FBXW11: variants seen among roughly 807,000 people sequenced by gnomAD.
The protein encoded by FBXW11 is F-box/WD repeat-containing protein 11.
In FBXW11, 19 loss-of-function variants were observed where a neutral mutation model predicts 77.6. The observed-to-expected ratio is 0.24, with a 90% CI of 0.17 to 0.36. FBXW11 has a LOEUF of 0.36. Among genes scored for constraint, FBXW11 ranks in the 10% least tolerant of loss-of-function variants. The pLI is 1.00. For missense variants in FBXW11, 334 were observed against 704.2 expected (o/e 0.47, Z 5.95); for synonymous variants, 235 against 249.4 (o/e 0.94, Z 0.54).
intron 2 of FBXW11, among the ~76,000 whole-genome samples, chr5:171,928,210 ATGAC>A (rs1324520745): frequency 6.6e-6 from 1 of 152,240 alleles, no homozygotes; most frequent in African/African-American, 2.4e-5. Flanking sequence ...TATAGAAAAT[ATGAC>A]TAACTGAAAA....
chr5:171,969,825 C>T (rs1368135926), intron 1 of FBXW11, among the ~76,000 whole-genome samples: 1 of 152,102 alleles, frequency 6.6e-6, no homozygotes, highest in Non-Finnish European at 1.5e-5. Flanking sequence ...CCTCAGCCTC[C>T]CGAGTAGAGC....
chr5:171,887,197 G>A (rs1241873286), intron 7 of FBXW11, among the ~76,000 whole-genome samples: 1 of 152,048 alleles, frequency 6.6e-6, no homozygotes, highest in Non-Finnish European at 1.5e-5. Context: ...CTTCCTTGGA[G>A]GGCATTATTA....
intron 1 of FBXW11, among the ~76,000 whole-genome samples, chr5:171,970,982 C>T (rs1764495975): frequency 6.6e-6 from 1 of 152,188 alleles, no homozygotes; most frequent in Admixed American, 6.5e-5. Context: ...GTCTTTGATT[C>T]CCTTCACATT....
At chr5:171,977,837 C>T (rs1764924022) in intron 1 of FBXW11, 1 of 245,730 alleles carries the variant, frequency 4.1e-6, no homozygotes, top group African/African-American at 2.3e-5. Flanking sequence ...ATTCAATCAC[C>T]TCCCACGGGG....
At chr5:171,952,440 TATA>T (rs1278022618) in intron 2 of FBXW11, among the ~76,000 whole-genome samples, 101 of 22,206 alleles carry the variant, frequency 4.5e-3, no homozygotes, top group African/African-American at 0.014. Context: ...TATATATATA[TATA>T]TATATTTTTT....
chr5:172,006,485 C>T lies in FBXW11; in HGVS notation c.18G>A (p.Val6=), dbSNP rs1766785820. 1.3e-6 allele frequency: 2 copies of T among 1,542,808 alleles called. No individual in the cohort carries two copies. The highest frequency in any genetic ancestry group is 2.0e-5 in the Admixed American group (1 of 50,914). The change falls in exon 1 of 14, where the codon GTG becomes GTA. Residue 6 remains valine, a synonymous_variant. Transcript: ENST00000517395. ...TGAGCTCGATGGTCTTGTCCTCAAT[C>T]ACCGAGTCGGGCTCCATGGCGGCCC... MEPDS[V]IEDKTIELMC...
At chr5:171,983,121 T>A (rs1765241892) in intron 1 of FBXW11, among the ~76,000 whole-genome samples, 1 of 151,954 alleles carries the variant, frequency 6.6e-6, no homozygotes, top group South Asian at 2.1e-4. Flanking sequence ...GCCCGAAAGG[T>A]CAAGGCTGTG....
chr5:171,893,421 C>CAAAAAAAA (rs397999920), intron 6 of FBXW11, among the ~76,000 whole-genome samples: 4,161 of 39,692 alleles, frequency 0.1, 1,208 homozygotes, highest in East Asian at 0.17. Flanking sequence ...ACTTCAAAAC[C>CAAAAAAAA]AAAAAAAAAA....
rs397999920 is a variant in FBXW11 at position 171,893,421 on chromosome 5, CAAAAAAAAAA to C, written c.715-1827_715-1818del. Among the ~76,000 whole-genome samples the C allele has an allele frequency of 8.0e-3, 319 of 39,858 alleles. 5 individuals are homozygous for C. The Middle Eastern group carries it at 0.19, about 23-fold the overall frequency. The allele number at this position is 39,858 out of a possible 152,430, so 26.1% of individuals were successfully genotyped here. On this transcript the variant is annotated intron_variant, in intron 6 of 13. Transcript: ENST00000517395. ...GACATACAAAAGCACACTTCAAAAC[CAAAAAAAAAA>C]AAAAAAAAAAAAAAAACTAACCCAA... is the stretch of plus-strand genomic sequence containing the variant.
chr5:171,961,041 G>A (rs1380224775), intron 1 of FBXW11, among the ~76,000 whole-genome samples: 1 of 152,044 alleles, frequency 6.6e-6, no homozygotes, highest in East Asian at 1.9e-4. Flanking sequence ...CTTTATAAAG[G>A]ATATCTCATC....
rs559686074 is a variant in FBXW11 at position 171,920,100 on chromosome 5, T to G, written c.148-5695A>C. On this transcript the variant is annotated intron_variant, in intron 2 of 13. Transcript: ENST00000517395. ...ATCTCTTGAACCCAGGAGGCAGAGGTTGCAGTGAGCGAAGATCGCACCACT... is the reference window on the plus strand; with the variant it reads ...ATCTCTTGAACCCAGGAGGCAGAGGGTGCAGTGAGCGAAGATCGCACCACT... Among the ~76,000 whole-genome samples, 11 of 152,108 alleles carry G rather than the reference T, an allele frequency of 7.2e-5. 1 individual carries two copies. Among genetic ancestry groups the G allele is most frequent in the African/African-American group, 2.7e-4 (11 of 41,480 alleles).
At chr5:171,976,684 G>A (rs1336408054) in intron 1 of FBXW11, among the ~76,000 whole-genome samples, 1 of 152,072 alleles carries the variant, frequency 6.6e-6, no homozygotes, top group East Asian at 1.9e-4. Flanking sequence ...GGATAATGCA[G>A]CAAGAAGGCC....
At chr5:172,006,277 G>C (rs546140842) in intron 1 of FBXW11, among the ~76,000 whole-genome samples, 181 bp downstream of exon 1, 2 of 152,258 alleles carry the variant, frequency 1.3e-5, no homozygotes, top group South Asian at 4.1e-4. Flanking sequence ...GGACCGGCCG[G>C]AGATGTCGAG....
intron 1 of FBXW11, among the ~76,000 whole-genome samples, chr5:171,971,096 C>T (rs1033468900): frequency 1.3e-5 from 2 of 152,168 alleles, no homozygotes; most frequent in Admixed American, 1.3e-4. Context: ...CTTTATAGAC[C>T]ATTTTGTCCA....
At chr5:171,939,172 G>A (rs978564829) in intron 2 of FBXW11, among the ~76,000 whole-genome samples, 6 of 152,148 alleles carry the variant, frequency 3.9e-5, no homozygotes, top group Non-Finnish European at 8.8e-5. Context: ...GGGAGGCAGA[G>A]GTTGCAGTGA....
intron 1 of FBXW11, among the ~76,000 whole-genome samples, chr5:171,964,087 A>C (rs569175497): frequency 6.6e-6 from 1 of 152,366 alleles, no homozygotes; most frequent in East Asian, 1.9e-4. Flanking sequence ...GCAGAGAAAT[A>C]AGGATAAGTC....
chr5:171,977,725 G>C (rs1764916839), intron 1 of FBXW11: 2 of 389,756 alleles, frequency 5.1e-6, no homozygotes, highest in African/African-American at 2.1e-5. Context: ...CAAGCAAAGA[G>C]AGAGAAGCTT....
chr5:171,917,545 G>A (rs1761331865), intron 2 of FBXW11, among the ~76,000 whole-genome samples: 2 of 152,104 alleles, frequency 1.3e-5, no homozygotes, highest in African/African-American at 4.8e-5. Flanking sequence ...ATAAAACCAT[G>A]GGGGCTGCAA....
intron 1 of FBXW11, among the ~76,000 whole-genome samples, chr5:171,985,329 G>A (rs183143511): frequency 2.0e-5 from 3 of 152,156 alleles, no homozygotes; most frequent in East Asian, 1.9e-4. Flanking sequence ...ATCTAGGCAG[G>A]GATCACACGC....
Sources: gnomAD v4.1 joint callset for allele counts (sites outside exome capture counted in the v4.1 genomes callset) on GRCh38, gnomAD v4.1.1 for gene constraint, MANE v1.5 for transcripts, NCBI Gene and HGNC (gene_info 2026-07-23, HGNC 2026-07-21) for gene names.